The following DKK3 variants were observed in gnomAD, a reference collection of about 807,000 sequenced individuals.
The protein encoded by DKK3 is dickkopf Wnt signaling pathway inhibitor 3.
In DKK3, 22 loss-of-function variants were observed where a neutral mutation model predicts 33.2. The observed-to-expected ratio is 0.66, with a 90% CI of 0.47 to 0.95. The LOEUF (loss-of-function observed/expected upper bound fraction) is 0.95. Ranked by LOEUF, DKK3 falls within the 40% of genes least tolerant of loss-of-function variation. The pLI, the probability that DKK3 is intolerant of heterozygous loss-of-function variation, is 0.00. For missense variants in DKK3, 398 were observed against 458.4 expected (o/e 0.87, Z 1.20); for synonymous variants, 194 against 188.8 (o/e 1.03, Z -0.23).
chr11:12,002,834 T>A lies in DKK3; in HGVS notation c.214-397A>T, dbSNP rs139587766. On this transcript the variant is annotated intron_variant, in intron 1 of 6. Transcript: ENST00000683431. ...CTGGTGGCCTAATCTGGAGGTCACC[T>A]GTATCCAGTTCCCATACATGCCAAC... Among the ~76,000 whole-genome samples, 59 of 152,334 alleles carry A rather than the reference T, an allele frequency of 3.9e-4. No individual in the cohort carries two copies. The East Asian group carries it at 0.011, about 29-fold the overall frequency.
At chr11:11,968,577 C>G (rs776683791) in intron 3 of DKK3, 90 bp from the exon 4 acceptor site, 16 of 1,285,564 alleles carry the variant, frequency 1.2e-5, no homozygotes, top group Non-Finnish European at 1.7e-5. Context: ...GCTTCCATTC[C>G]CCATTCTTGA....
chr11:11,968,008 C>T (rs1564906817), intron 4 of DKK3, among the ~76,000 whole-genome samples: 2 of 152,080 alleles, frequency 1.3e-5, no homozygotes, highest in Non-Finnish European at 2.9e-5. Flanking sequence ...GGTGTAGGGA[C>T]ACCTCCTCTC....
At chr11:12,009,540 C>T, upstream of DKK3, 1 of 968,776 alleles carries the variant, frequency 1.0e-6, no homozygotes, top group Non-Finnish European at 1.2e-6. Flanking sequence ...TCACTGCCTG[C>T]CCCTGCGCCC....
intron 3 of DKK3, among the ~76,000 whole-genome samples, chr11:11,970,682 G>A (rs73413283): frequency 6.6e-6 from 1 of 152,190 alleles, no homozygotes; most frequent in African/African-American, 2.4e-5. Context: ...AAATGGAAAA[G>A]GGAATAGAGG....
At chr11:11,969,493 G>A (rs1847678013) in intron 3 of DKK3, among the ~76,000 whole-genome samples, 1 of 152,174 alleles carries the variant, frequency 6.6e-6, no homozygotes, top group African/African-American at 2.4e-5. Flanking sequence ...AATGTGACTA[G>A]TTCAGGGTGG....
At chr11:11,984,377 T>C (rs1247501038) in intron 3 of DKK3, among the ~76,000 whole-genome samples, 1 of 152,226 alleles carries the variant, frequency 6.6e-6, no homozygotes, top group Non-Finnish European at 1.5e-5. Flanking sequence ...TTTTAAGATA[T>C]GTATAACAAC....
intron 3 of DKK3, among the ~76,000 whole-genome samples, chr11:11,988,757 T>C (rs1289768861): frequency 1.3e-5 from 2 of 152,110 alleles, no homozygotes; most frequent in Non-Finnish European, 1.5e-5. Context: ...GGAAATCACA[T>C]CTCTGGATCC....
intron 3 of DKK3, among the ~76,000 whole-genome samples, chr11:11,989,695 A>G (rs1304024665): frequency 6.6e-6 from 1 of 152,242 alleles, no homozygotes; most frequent in East Asian, 1.9e-4. Flanking sequence ...TATATGTGTC[A>G]ACATTGTTAA....
At chr11:11,968,366 C>T (rs980199797) in intron 4 of DKK3, 29 bp downstream of exon 4, 2 of 1,592,426 alleles carry the variant, frequency 1.3e-6, no homozygotes, top group East Asian at 2.3e-5. Flanking sequence ...ACCCTGGTGC[C>T]ACAGCCCCAG....
chr11:11,981,786 AC>A (rs1299134956), intron 3 of DKK3, among the ~76,000 whole-genome samples: 7 of 152,246 alleles, frequency 4.6e-5, no homozygotes, highest in South Asian at 2.1e-4. Context: ...GATGTCAGCA[AC>A]TTTTCCATCT....
chr11:12,009,389 C>A, upstream of DKK3: 1 of 974,924 alleles, frequency 1.0e-6, no homozygotes, highest in Non-Finnish European at 1.2e-6. Context: ...GAGCCCCGCC[C>A]GCCCACCAGG....
Position 12,007,175 on chromosome 11 carries a change from C to T in DKK3, c.213+1195G>A, listed in dbSNP as rs1017000307. 2.6e-5 allele frequency among the ~76,000 whole-genome samples: 4 copies of T among 152,128 alleles called. No homozygotes were observed. In the East Asian group the frequency reaches 5.8e-4, roughly 22 times the overall value. On this transcript the variant is annotated intron_variant, in intron 1 of 6. Transcript: ENST00000683431. ...TGTTGTGGAGTGGGAGGGGAAATAG[C>T]CCCAAACTACAAAGGGCTGCGGGGA...
Position 11,964,408 on chromosome 11 carries a change from C to G in DKK3, c.*56G>C. 1 of 1,586,284 alleles carries G rather than the reference C, an allele frequency of 6.3e-7. No individual in the cohort carries two copies. The highest frequency in any genetic ancestry group is 8.5e-7 in the Non-Finnish European group (1 of 1,170,926). On this transcript the variant is annotated 3_prime_UTR_variant, in exon 7 of 7. Coordinates refer to ENST00000683431, the MANE Select transcript of DKK3 (RefSeq NM_001018057.2). ...GTCAGCCCACGCCTAAAGCACACACCTGGGGAAATAAATTAGCTATTTCTA... is the reference window on the plus strand; with the variant it reads ...GTCAGCCCACGCCTAAAGCACACACGTGGGGAAATAAATTAGCTATTTCTA...
chr11:11,995,987 T>C (rs1043371487), intron 3 of DKK3, among the ~76,000 whole-genome samples: 6 of 152,234 alleles, frequency 3.9e-5, no homozygotes, highest in African/African-American at 1.4e-4. Context: ...TGGGTTACCA[T>C]ACATATTAAT....
At chr11:11,984,331 ACT>A (rs1205850039) in intron 3 of DKK3, among the ~76,000 whole-genome samples, 1 of 152,162 alleles carries the variant, frequency 6.6e-6, no homozygotes, top group Non-Finnish European at 1.5e-5. Flanking sequence ...AACTCTGACA[ACT>A]CTCTTCATCT....
intron 3 of DKK3, among the ~76,000 whole-genome samples, chr11:11,975,060 A>G (rs191739709): frequency 2.6e-4 from 39 of 152,316 alleles, no homozygotes; most frequent in Non-Finnish European, 4.6e-4. Flanking sequence ...AGAAGGAAAC[A>G]ATCCTGTTGA....
At chr11:11,976,029 C>T (rs962664012) in intron 3 of DKK3, among the ~76,000 whole-genome samples, 11 of 152,198 alleles carry the variant, frequency 7.2e-5, no homozygotes, top group Non-Finnish European at 1.5e-4. Flanking sequence ...TTAGTGGCCT[C>T]CACCCACTCT....
intron 3 of DKK3, among the ~76,000 whole-genome samples, chr11:11,973,736 G>A (rs1185945662): frequency 1.3e-5 from 2 of 152,232 alleles, no homozygotes; most frequent in East Asian, 1.9e-4. Flanking sequence ...AAGCAGCCCC[G>A]GTGCTTTGAC....
intron 5 of DKK3, 50 bp from the exon 6 acceptor site, chr11:11,966,015 G>A: frequency 1.3e-6 from 2 of 1,549,498 alleles, no homozygotes; most frequent in East Asian, 2.3e-5. Flanking sequence ...GGGTAGAAGG[G>A]CTCCAAAGGG....
Sources: gnomAD v4.1 joint callset for allele counts (sites outside exome capture counted in the v4.1 genomes callset) on GRCh38, gnomAD v4.1.1 for gene constraint, MANE v1.5 for transcripts, NCBI Gene and HGNC (gene_info 2026-07-23, HGNC 2026-07-21) for gene names.